Variants in CAMK2D observed in about 807,000 individuals in gnomAD.
CAMK2D encodes the protein calcium/calmodulin dependent protein kinase II delta.
CAMK2D carries 37 observed loss-of-function variants against 84.0 expected under a neutral mutation model. That is an observed-to-expected ratio of 0.44 (90% confidence interval 0.34 to 0.58). The LOEUF is 0.58. Ranked by LOEUF, CAMK2D falls within the 20% of genes least tolerant of loss-of-function variation. The probability of loss-of-function intolerance (pLI) is 0.02; values close to 1 mark genes in which losing one functional copy is unlikely to be tolerated. For missense variants in CAMK2D, 448 were observed against 652.5 expected, an observed-to-expected ratio of 0.69 and a Z score of 3.41; for synonymous variants, 202 against 212.5, an observed-to-expected ratio of 0.95 and a Z score of 0.43.
chr4:113,471,566 A>G (rs111580703), intron 16 of CAMK2D, among the ~76,000 whole-genome samples: 3,566 of 152,238 alleles, frequency 0.023, 74 homozygotes, highest in Middle Eastern at 0.078. Context: ...CCAAACTGGA[A>G]GCCTTGCTAT....
At chr4:113,464,757 TG>T in intron 17 of CAMK2D, among the ~76,000 whole-genome samples, 1 of 152,368 alleles carries the variant, frequency 6.6e-6, no homozygotes, top group East Asian at 1.9e-4. Flanking sequence ...CTGTACTGGC[TG>T]AAGAGAGAAG....
intron 4 of CAMK2D, among the ~76,000 whole-genome samples, chr4:113,563,941 A>G (rs1402945039): frequency 6.6e-6 from 1 of 152,204 alleles, no homozygotes; most frequent in Non-Finnish European, 1.5e-5. Flanking sequence ...AAAATATTAC[A>G]GACTGATAGT....
At chr4:113,462,322 G>GTCTA (rs1193252796) in intron 17 of CAMK2D, among the ~76,000 whole-genome samples, 296 of 123,424 alleles carry the variant, frequency 2.4e-3, no homozygotes, top group African/African-American at 5.6e-3. Context: ...CTGTCTGTCT[G>GTCTA]TCTGTCTGTC....
chr4:113,709,912 G>A (rs763020474), intron 2 of CAMK2D, among the ~76,000 whole-genome samples: 6 of 150,272 alleles, frequency 4.0e-5, no homozygotes, highest in African/African-American at 9.8e-5. Flanking sequence ...TGCCAGGCAC[G>A]GGGGTGGTGG....
intron 2 of CAMK2D, among the ~76,000 whole-genome samples, chr4:113,690,027 T>C (rs934614531): frequency 1.3e-5 from 2 of 152,050 alleles, no homozygotes; most frequent in African/African-American, 2.4e-5. Context: ...ACCAATACCA[T>C]GGTGGGCGAA....
intron 16 of CAMK2D, 133 bp downstream of exon 16, chr4:113,500,330 C>T (rs1334472171): frequency 2.0e-5 from 10 of 488,458 alleles, no homozygotes; most frequent in Non-Finnish European, 2.9e-5. Flanking sequence ...ATATTTTTTA[C>T]TCATAAATAA....
At chr4:113,468,638 T>G (rs537945219) in intron 16 of CAMK2D, among the ~76,000 whole-genome samples, 2 of 152,112 alleles carry the variant, frequency 1.3e-5, no homozygotes, top group African/African-American at 4.8e-5. Flanking sequence ...CAATCAGCAG[T>G]GAGGTTGAGG....
intron 2 of CAMK2D, among the ~76,000 whole-genome samples, chr4:113,716,819 G>A (rs2099515157): frequency 1.3e-5 from 2 of 152,104 alleles, no homozygotes. Context: ...AGAATGTTTA[G>A]CTTTATGTGT....
intron 16 of CAMK2D, among the ~76,000 whole-genome samples, chr4:113,485,233 G>C (rs1005799357): frequency 6.6e-6 from 1 of 152,146 alleles, no homozygotes. Flanking sequence ...TAAGTCTTTG[G>C]TAGAAACTAT....
At chr4:113,758,388 C>T (rs2099633433) in intron 2 of CAMK2D, among the ~76,000 whole-genome samples, 1 of 151,968 alleles carries the variant, frequency 6.6e-6, no homozygotes, top group East Asian at 1.9e-4. Context: ...AGCAATGATG[C>T]CAGGATTTTG....
intron 4 of CAMK2D, among the ~76,000 whole-genome samples, chr4:113,597,246 A>G (rs1052716004): frequency 1.3e-5 from 2 of 152,240 alleles, no homozygotes; most frequent in African/African-American, 4.8e-5. Flanking sequence ...GTCTCAAGCT[A>G]TGAAAGTCCC....
chr4:113,535,999 C>T (rs1414230721), intron 7 of CAMK2D, among the ~76,000 whole-genome samples: 1 of 152,182 alleles, frequency 6.6e-6, no homozygotes, highest in Non-Finnish European at 1.5e-5. Flanking sequence ...CAACCCTTAA[C>T]TCCTGTTACA....
intron 4 of CAMK2D, among the ~76,000 whole-genome samples, chr4:113,601,463 G>T (rs1235351794): frequency 1.3e-5 from 2 of 151,034 alleles, no homozygotes; most frequent in Non-Finnish European, 2.9e-5. Flanking sequence ...GTTAGTATAC[G>T]TACTGGAAAA....
At chr4:113,673,494 A>G (rs978905664) in intron 2 of CAMK2D, among the ~76,000 whole-genome samples, 1 of 152,242 alleles carries the variant, frequency 6.6e-6, no homozygotes, top group Non-Finnish European at 1.5e-5. Context: ...CAGGAGCTGC[A>G]AAGACAGCTA....
intron 16 of CAMK2D, among the ~76,000 whole-genome samples, chr4:113,493,313 C>T (rs2097871809): frequency 6.6e-6 from 1 of 152,024 alleles, no homozygotes; most frequent in Non-Finnish European, 1.5e-5. Flanking sequence ...GTGCTTCCTT[C>T]AGGAACTCTT....
intron 2 of CAMK2D, among the ~76,000 whole-genome samples, chr4:113,757,898 A>G (rs561119800): frequency 1.3e-5 from 2 of 152,272 alleles, no homozygotes; most frequent in South Asian, 4.1e-4. Flanking sequence ...TCTAATTAAG[A>G]AAGTTAGTAA....
chr4:113,581,241 C>T (rs987544328), intron 4 of CAMK2D, among the ~76,000 whole-genome samples: 4 of 151,950 alleles, frequency 2.6e-5, no homozygotes, highest in African/African-American at 4.8e-5. Flanking sequence ...TGGCTGGGTG[C>T]GGTGGCTCAC....
At chr4:113,538,117 T>A (rs2098505862) in intron 6 of CAMK2D, among the ~76,000 whole-genome samples, 1 of 152,158 alleles carries the variant, frequency 6.6e-6, no homozygotes, top group Non-Finnish European at 1.5e-5. Flanking sequence ...AAACATAATT[T>A]ACATTTCTTC....
At chr4:113,485,303 CCTAT>C (rs1312302807) in intron 16 of CAMK2D, among the ~76,000 whole-genome samples, 1 of 152,136 alleles carries the variant, frequency 6.6e-6, no homozygotes, top group Non-Finnish European at 1.5e-5. Context: ...AAGTTGAAAT[CCTAT>C]CTATGTTGTT....
Sources: allele counts gnomAD v4.1 joint callset (sites outside exome capture counted in the v4.1 genomes callset), GRCh38; gene constraint gnomAD v4.1.1; transcripts MANE v1.5; gene names NCBI Gene and HGNC (gene_info 2026-07-23, HGNC 2026-07-21).